TEX36: variants seen among roughly 807,000 people sequenced by gnomAD.
TEX36 encodes the protein testis expressed 36.
TEX36 carries 12 observed loss-of-function variants against 13.6 expected under a neutral mutation model. The ratio of observed to expected loss-of-function variants is 0.88; its 90% CI spans 0.56 to 1.43. TEX36 has a LOEUF of 1.43. Among genes scored for constraint, TEX36 ranks in the 40% most tolerant of loss-of-function variants. The pLI, the probability that TEX36 is intolerant of heterozygous loss-of-function variation, is 0.00. For synonymous variants in TEX36, 93 were observed against 83.0 expected (o/e 1.12, Z -0.65); for missense variants, 224 against 228.3 (o/e 0.98, Z 0.12).
intron 3 of TEX36, among the ~76,000 whole-genome samples, chr10:125,589,200 G>A (rs1845994343): frequency 6.6e-6 from 1 of 152,180 alleles, no homozygotes; most frequent in African/African-American, 2.4e-5. Flanking sequence ...TTATTGTATA[G>A]ATTTGTTAAA....
At chr10:125,682,221 A>G (rs186283614) in intron 1 of TEX36, among the ~76,000 whole-genome samples, 2 of 152,358 alleles carry the variant, frequency 1.3e-5, no homozygotes, top group African/African-American at 4.8e-5. Context: ...CTTGGCCGAC[A>G]AGGCTAAGAC....
intron 3 of TEX36, among the ~76,000 whole-genome samples, chr10:125,598,521 C>T (rs1287165235): frequency 6.6e-6 from 1 of 152,180 alleles, no homozygotes; most frequent in East Asian, 1.9e-4. Flanking sequence ...AAGGCCACCT[C>T]TCCCCAAACC....
intron 3 of TEX36, among the ~76,000 whole-genome samples, chr10:125,611,992 T>A (rs1171241326): frequency 1.3e-5 from 2 of 152,116 alleles, no homozygotes; most frequent in Non-Finnish European, 2.9e-5. Context: ...CTTTGATTAA[T>A]GTTTGTGGCC....
At chr10:125,582,687 C>T (rs149964424) in intron 3 of TEX36, among the ~76,000 whole-genome samples, 1 of 152,136 alleles carries the variant, frequency 6.6e-6, no homozygotes, top group Non-Finnish European at 1.5e-5. Context: ...AAATAAACCT[C>T]GGGAATTTAC....
intron 3 of TEX36, among the ~76,000 whole-genome samples, chr10:125,624,406 T>C (rs1333240471): frequency 6.6e-6 from 1 of 152,210 alleles, no homozygotes; most frequent in Non-Finnish European, 1.5e-5. Flanking sequence ...GACATCCTCA[T>C]GTCCTCCAGT....
downstream of TEX36, among the ~76,000 whole-genome samples, chr10:125,652,058 C>T (rs1415251955): frequency 6.6e-6 from 1 of 152,178 alleles, no homozygotes; most frequent in Non-Finnish European, 1.5e-5. Context: ...GTGAAAACGG[C>T]CTTACTGCCC....
chr10:125,645,558 A>G (rs1846757575), intron 3 of TEX36, among the ~76,000 whole-genome samples: 1 of 152,156 alleles, frequency 6.6e-6, no homozygotes, highest in South Asian at 2.1e-4. Flanking sequence ...AGCCTCCATA[A>G]CTGTAAGAAA....
chr10:125,608,441 C>G (rs895140520), intron 3 of TEX36, among the ~76,000 whole-genome samples: 2 of 152,104 alleles, frequency 1.3e-5, no homozygotes, highest in African/African-American at 4.8e-5. Flanking sequence ...TGATTATGCT[C>G]ACAAATACTA....
intron 1 of TEX36, among the ~76,000 whole-genome samples, chr10:125,670,720 T>C (rs9422794): frequency 0.017 from 2,639 of 152,286 alleles, 74 homozygotes; most frequent in African/African-American, 0.059. Context: ...GTTTTTATAG[T>C]TTTGGGGTTT....
At chr10:125,586,946 C>T (rs1006095217) in intron 3 of TEX36, among the ~76,000 whole-genome samples, 4 of 152,010 alleles carry the variant, frequency 2.6e-5, no homozygotes, top group African/African-American at 9.7e-5. Context: ...GCACCATCCC[C>T]CTAGTGCTGT....
intron 3 of TEX36, among the ~76,000 whole-genome samples, chr10:125,641,961 C>A (rs544450270): frequency 6.6e-6 from 1 of 152,126 alleles, no homozygotes; most frequent in Non-Finnish European, 1.5e-5. Context: ...ATCTAATTTG[C>A]GTTTCCATGG....
intron 1 of TEX36, among the ~76,000 whole-genome samples, chr10:125,677,051 C>A (rs1344987933): frequency 6.6e-6 from 1 of 152,296 alleles, no homozygotes; most frequent in African/African-American, 2.4e-5. Context: ...TGTAAGGTTT[C>A]TGCTGAGAAA....
chr10:125,664,343 TG>T (rs34063143), intron 1 of TEX36, among the ~76,000 whole-genome samples: 4 of 152,228 alleles, frequency 2.6e-5, no homozygotes, highest in African/African-American at 9.6e-5. Context: ...TCCTTTCTTT[TG>T]GGTATATACC....
chr10:125,583,824 T>A (rs1308050825), intron 3 of TEX36, among the ~76,000 whole-genome samples: 2 of 152,180 alleles, frequency 1.3e-5, no homozygotes, highest in Non-Finnish European at 2.9e-5. Flanking sequence ...TGAAACAGTA[T>A]GGTAGATCAT....
chr10:125,580,005 T>C (rs1845865472), intron 3 of TEX36, among the ~76,000 whole-genome samples: 1 of 152,180 alleles, frequency 6.6e-6, no homozygotes, highest in South Asian at 2.1e-4. Context: ...TAGATGTTGG[T>C]CAACATGATT....
intron 3 of TEX36, among the ~76,000 whole-genome samples, chr10:125,601,892 G>A (rs80206989): frequency 8.4e-4 from 128 of 152,280 alleles, no homozygotes; most frequent in African/African-American, 3.0e-3. Context: ...TGGGGTCCTC[G>A]CCCTGGACAA....
chr10:125,636,506 G>A (rs1168444454), intron 3 of TEX36, among the ~76,000 whole-genome samples: 12 of 152,018 alleles, frequency 7.9e-5, no homozygotes, highest in Non-Finnish European at 1.3e-4. Context: ...GAGCCACCAC[G>A]CCCAGCCTTG....
intron 3 of TEX36, among the ~76,000 whole-genome samples, chr10:125,624,193 G>A (rs1846459140): frequency 6.6e-6 from 1 of 152,192 alleles, no homozygotes; most frequent in Non-Finnish European, 1.5e-5. Flanking sequence ...CATTCTGGCT[G>A]TTGAATCTCT....
intron 3 of TEX36, among the ~76,000 whole-genome samples, chr10:125,604,241 C>T (rs2031793): frequency 0.078 from 11,905 of 152,194 alleles, 616 homozygotes; most frequent in Non-Finnish European, 0.12. Flanking sequence ...AAGCTTCATT[C>T]GTATTGACAG....
Sources: gnomAD v4.1 joint callset for allele counts (sites outside exome capture counted in the v4.1 genomes callset) on GRCh38, gnomAD v4.1.1 for gene constraint, MANE v1.5 for transcripts, NCBI Gene and HGNC (gene_info 2026-07-23, HGNC 2026-07-21) for gene names.